Variants in CCL1 observed in about 807,000 individuals in gnomAD.
CCL1 encodes C-C motif chemokine ligand 1, also known as C-C motif chemokine 1.
Under a neutral mutation model 7.5 loss-of-function variants are expected in CCL1, and 9 were observed. The ratio of observed to expected loss-of-function variants is 1.20; its 90% CI spans 0.72 to 2.09. The LOEUF (loss-of-function observed/expected upper bound fraction) is 2.09. Ranked by LOEUF, CCL1 falls within the 30% of genes most tolerant of loss-of-function variation. CCL1 has a pLI of 0.00. For missense variants in CCL1, 110 were observed against 113.7 expected, an observed-to-expected ratio of 0.97 and a Z score of 0.15; for synonymous variants, 48 against 44.7, an observed-to-expected ratio of 1.07 and a Z score of -0.30.
In CCL1 at chr17:34,360,670, A is replaced by G. The variant is rs3136684; in HGVS notation, c.189-9T>C. The G allele has an allele frequency of 0.023, 37,035 of 1,604,566 alleles. 637 individuals carry two copies. The highest frequency in any genetic ancestry group is 0.076 in the African/African-American group (5,688 of 74,704). The stretch of plus-strand genomic sequence containing the variant: ...CTCTCTTCAGCTTGAATCTGTGAAC[A>G]GAGAATAAGAGAGAAGGCTGAGCCA... On this transcript the variant is annotated splice_polypyrimidine_tract_variant and intron_variant, in intron 2 of 2. Transcript: ENST00000225842.
In CCL1 at chr17:34,363,172, C is replaced by T. The variant is rs564372113; in HGVS notation, c.-11G>A. 1.2e-6 allele frequency: 2 copies of T among 1,613,600 alleles called. No individual in the cohort carries two copies. The highest frequency in any genetic ancestry group is 2.7e-5 in the African/African-American group (2 of 75,068). ...GGTGATGATCTGCATGTCTTCTGGT[C>T]TGGCTTGGGCCTTCCTGGAGCAGCT... On this transcript the variant is annotated 5_prime_UTR_variant, in exon 1 of 3. Coordinates refer to ENST00000225842, the MANE Select transcript of CCL1 (RefSeq NM_002981.2).
chr17:34,362,516 A>C (rs909210740), intron 1 of CCL1, among the ~76,000 whole-genome samples: 2 of 151,832 alleles, frequency 1.3e-5, no homozygotes, highest in African/African-American at 4.8e-5. Context: ...TTCTCCTCCC[A>C]CACCACATCC....
Position 34,361,890 on chromosome 17 carries a change from A to T in CCL1, c.83T>A (p.Val28Glu). The T allele has an allele frequency of 6.2e-7, 1 of 1,603,168 alleles. No individual in the cohort carries two copies. Among genetic ancestry groups the T allele is most frequent in the Non-Finnish European group, 8.5e-7 (1 of 1,170,308 alleles). Residue 28 changes from valine (V) to glutamate (E), a missense_variant, in exon 2 of 3, where the codon GTA becomes GAA. Physicochemically the swap from Val to Glu is moderately radical, Grantham distance 121. Transcript: ENST00000225842. ...TGAGAAGCAACATCTGGAGAAGGGT[A>T]CCTGCACTAGAAGAGGAACACAGAC... is the stretch of plus-strand genomic sequence containing the variant. Reference protein sequence around the residue: ...PEDVDSKSMQVPFSRCCFSFA... With the variant: ...PEDVDSKSMQEPFSRCCFSFA...
intron 2 of CCL1, among the ~76,000 whole-genome samples, 166 bp from the exon 3 acceptor site, chr17:34,360,827 G>T (rs189443519): frequency 5.9e-5 from 9 of 152,090 alleles, no homozygotes; most frequent in Non-Finnish European, 1.2e-4. Context: ...TGGTTTGCAC[G>T]CTGGGGAACA....
Position 34,361,846 on chromosome 17 carries a change from G to GA in CCL1, c.126dup (p.Pro43SerfsTer18), listed in dbSNP as rs1341190461. ...CTGTAACACAGGATTGCCCTCAGGG[G>GA]AATCTCTTGCTCCGCAAATGAGAAG... On this transcript the variant is annotated frameshift_variant, in exon 2 of 3. Coordinates refer to ENST00000225842, the MANE Select transcript of CCL1 (RefSeq NM_002981.2). LOFTEE classifies it high-confidence loss of function. 6.2e-7 allele frequency: 1 copy of GA among 1,612,858 alleles called. No homozygotes were observed. Among genetic ancestry groups the GA allele is most frequent in the South Asian group, 1.1e-5 (1 of 91,042 alleles).
At chr17:34,361,963 A>T in intron 1 of CCL1, 67 bp from the exon 2 acceptor site, 1 of 1,142,350 alleles carries the variant, frequency 8.8e-7, no homozygotes, top group South Asian at 1.3e-5. Flanking sequence ...CACAATTTTT[A>T]AAAAACAAAC....
chr17:34,362,022 C>T (rs188975827), intron 1 of CCL1, 126 bp from the exon 2 acceptor site: 102 of 601,970 alleles, frequency 1.7e-4, no homozygotes, highest in Non-Finnish European at 2.4e-4. Context: ...CACATCCAGA[C>T]GGTGCCGGCA....
At chr17:34,361,721 TCTTGTAATTCCAGGCTGG>T (rs1910511281) in intron 2 of CCL1, 46 bp downstream of exon 2, 2 of 1,085,666 alleles carry the variant, frequency 1.8e-6, no homozygotes, top group Non-Finnish European at 2.8e-6. Flanking sequence ...TAGTGTCTAC[TCTTGTAATTCCAGGCTGG>T]CGGGGTTCTG....
rs191793586 is a variant in CCL1 at position 34,360,980 on chromosome 17, T to C, written c.189-319A>G. 2.6e-5 allele frequency among the ~76,000 whole-genome samples: 4 copies of C among 152,312 alleles called. No homozygotes were observed. In the East Asian group the frequency reaches 7.7e-4, roughly 29 times the overall value. On this transcript the variant is annotated intron_variant, in intron 2 of 2. Coordinates refer to ENST00000225842, the MANE Select transcript of CCL1 (RefSeq NM_002981.2). The stretch of plus-strand genomic sequence containing the variant: ...AAATTCCCATCCTGGAATAGCTCTT[T>C]GCACCAACTTTAATGTTTCTGTGTC...
intron 1 of CCL1, 95 bp downstream of exon 1, chr17:34,362,991 G>T: frequency 1.8e-6 from 2 of 1,091,998 alleles, no homozygotes; most frequent in Non-Finnish European, 2.8e-6. Flanking sequence ...AGATAGAGTT[G>T]GTGAGTTCAA....
At position 34,361,840 on chromosome 17, in the gene CCL1, T is replaced by C. The variant is rs1460268084; in HGVS notation, c.133A>G (p.Arg45Gly). Residue 45 changes from arginine to glycine, a missense_variant, in exon 2 of 3, where the codon AGG (arginine) becomes GGG (glycine). By Grantham distance (125) the Arg-to-Gly change is moderately radical. Coordinates refer to ENST00000225842, the MANE Select transcript of CCL1 (RefSeq NM_002981.2). ...FSFAEQEIPLRAILCYRNTSS... is the reference protein window; with the variant it reads ...FSFAEQEIPLGAILCYRNTSS... ...GTATTTCTGTAACACAGGATTGCCC[T>C]CAGGGGAATCTCTTGCTCCGCAAAT... is the stretch of plus-strand genomic sequence containing the variant. 1 of 1,613,402 alleles carries C rather than the reference T, an allele frequency of 6.2e-7. No individual in the cohort carries two copies. Among genetic ancestry groups the C allele is most frequent in the African/African-American group, 1.3e-5 (1 of 74,930 alleles).
chr17:34,362,001 G>A (rs1284625515), intron 1 of CCL1, 105 bp from the exon 2 acceptor site: 8 of 697,698 alleles, frequency 1.1e-5, no homozygotes, highest in Non-Finnish European at 2.0e-5. Context: ...GACAAGCCCT[G>A]GCTTGGGGAC....
At chr17:34,361,981 C>A in intron 1 of CCL1, 85 bp from the exon 2 acceptor site, 1 of 884,088 alleles carries the variant, frequency 1.1e-6, no homozygotes, top group Non-Finnish European at 1.8e-6. Context: ...AACAAAAAAA[C>A]GCCTCCCAGG....
At chr17:34,361,065 G>A (rs538514450) in intron 2 of CCL1, among the ~76,000 whole-genome samples, 20 of 151,872 alleles carry the variant, frequency 1.3e-4, no homozygotes, top group Admixed American at 2.0e-4. Context: ...GTGTGCGCGC[G>A]CCTTGTGTGT....
At chr17:34,361,720 C>G in intron 2 of CCL1, 65 bp downstream of exon 2, 3 of 1,081,780 alleles carry the variant, frequency 2.8e-6, no homozygotes, top group Non-Finnish European at 4.3e-6. Context: ...CTAGTGTCTA[C>G]TCTTGTAATT....
intron 2 of CCL1, among the ~76,000 whole-genome samples, chr17:34,361,537 C>A (rs573975873): frequency 3.5e-4 from 53 of 152,308 alleles, no homozygotes; most frequent in Middle Eastern, 6.8e-3. Context: ...TGCTGGGATA[C>A]AATACTTGGC....
chr17:34,361,743 G>T, intron 2 of CCL1, 42 bp downstream of exon 2: 1 of 1,254,242 alleles, frequency 8.0e-7, no homozygotes, highest in Non-Finnish European at 1.2e-6. Context: ...AGGCTGGCGG[G>T]GTTCTGTTCT....
rs752549275 is a variant in CCL1 at position 34,360,584 on chromosome 17, C to G, written c.266G>C (p.Arg89Thr). The G allele has an allele frequency of 2.0e-5, 33 of 1,613,704 alleles. No individual in the cohort carries two copies. The highest frequency in any genetic ancestry group is 2.8e-5 in the Non-Finnish European group (33 of 1,179,928). The change falls in exon 3 of 3, where the codon AGG (arginine) becomes ACG (threonine). Residue 89 changes from arginine (R) to threonine (T), a missense_variant. Arg to Thr is a moderately conservative substitution (Grantham distance 71). Transcript: ENST00000225842. ...GWVQRHRKML[R>T]HCPSKRK ...TCATTTTCTTTTTGACGGGCAGTGC[C>G]TCAGCATTTTTCTGTGCCTCTGAAC...
At chr17:34,361,957 A>C (rs568122274) in intron 1 of CCL1, 61 bp from the exon 2 acceptor site, 2 of 1,079,810 alleles carry the variant, frequency 1.9e-6, no homozygotes, top group South Asian at 2.6e-5. Context: ...CTGTAGCACA[A>C]TTTTTAAAAA....
Sources: gnomAD v4.1 joint callset for allele counts (sites outside exome capture counted in the v4.1 genomes callset) on GRCh38, gnomAD v4.1.1 for gene constraint, MANE v1.5 for transcripts, NCBI Gene and HGNC (gene_info 2026-07-23, HGNC 2026-07-21) for gene names.